ZC3H15: variants seen among roughly 807,000 people sequenced by gnomAD.
The protein encoded by ZC3H15 is zinc finger CCCH domain-containing protein 15.
ZC3H15 carries 15 observed loss-of-function variants against 51.2 expected under a neutral mutation model. That is an observed-to-expected ratio of 0.29 (90% confidence interval 0.20 to 0.45). The LOEUF (loss-of-function observed/expected upper bound fraction) is 0.45. ZC3H15 is among the 20% of genes least tolerant of loss of function. ZC3H15 has a pLI of 1.00. For synonymous variants in ZC3H15, 144 were observed against 162.8 expected (o/e 0.88, Z 0.88); for missense variants, 381 against 494.7 (o/e 0.77, Z 2.18).
At chr2:186,499,108 A>T (rs370333507) in intron 2 of ZC3H15, among the ~76,000 whole-genome samples, 1 of 152,158 alleles carries the variant, frequency 6.6e-6, no homozygotes, top group Non-Finnish European at 1.5e-5. Flanking sequence ...CTTCATGTTC[A>T]GTCAGTCCTA....
Position 186,500,253 on chromosome 2 carries a change from G to A in ZC3H15, c.249G>A (p.Glu83=), listed in dbSNP as rs766254650. Residue 83 remains glutamate, a synonymous_variant, in exon 3 of 10, where the codon GAG becomes GAA. Coordinates refer to ENST00000337859, the MANE Select transcript of ZC3H15 (RefSeq NM_018471.3). ...DKKKELQELN[E]LFKPVVAAQK... is the part of the protein sequence containing the mutation. ...AGAAAGAATTGCAGGAGCTAAATGA[G>A]CTGTTCAAACCTGTAGTTGCTGCTC... is the stretch of plus-strand genomic sequence containing the variant. 1 of 1,613,374 alleles carries A rather than the reference G, an allele frequency of 6.2e-7. No homozygotes were observed. The highest frequency in any genetic ancestry group is 2.2e-5 in the East Asian group (1 of 44,786).
At chr2:186,501,221 A>T in intron 3 of ZC3H15, 52 bp from the exon 4 acceptor site, 6 of 1,500,392 alleles carry the variant, frequency 4.0e-6, no homozygotes, top group Non-Finnish European at 5.3e-6. Context: ...TAGAATCTAT[A>T]CTTTACAGCC....
chr2:186,506,221 A>C (rs34830536), intron 8 of ZC3H15: 18 of 333,186 alleles, frequency 5.4e-5, no homozygotes, highest in Non-Finnish European at 8.2e-5. Context: ...ACTAATTTAA[A>C]ACTGCAGTGT....
chr2:186,494,913 A>G (rs1004061995), intron 1 of ZC3H15, among the ~76,000 whole-genome samples: 4 of 152,140 alleles, frequency 2.6e-5, no homozygotes, highest in Non-Finnish European at 4.4e-5. Context: ...ACATGTATAC[A>G]TATGTAACAA....
At position 186,486,326 on chromosome 2, in the gene ZC3H15, G is replaced by C. The variant is rs1483430426; in HGVS notation, c.-57G>C. The C allele has an allele frequency of 2.7e-6, 4 of 1,466,046 alleles. No homozygotes were observed. Among genetic ancestry groups the C allele is most frequent in the Non-Finnish European group, 3.6e-6 (4 of 1,098,552 alleles). 90.8% of individuals were successfully genotyped at this position (1,466,046 alleles called of 1,614,324 possible). On this transcript the variant is annotated 5_prime_UTR_variant, in exon 1 of 10. Transcript: ENST00000337859. ...TCCTCCTCGTCCTGCCGCAGGGCCAGAACCCCTGACGGTATTCAGCTGCGC... is the reference window on the plus strand; with the variant it reads ...TCCTCCTCGTCCTGCCGCAGGGCCACAACCCCTGACGGTATTCAGCTGCGC...
chr2:186,490,613 G>A (rs1685180407), intron 1 of ZC3H15, among the ~76,000 whole-genome samples: 1 of 152,190 alleles, frequency 6.6e-6, no homozygotes, highest in East Asian at 1.9e-4. Flanking sequence ...CTGCCTACCC[G>A]AATGTCCCAA....
intron 1 of ZC3H15, among the ~76,000 whole-genome samples, chr2:186,490,724 C>T (rs898441452): frequency 1.9e-4 from 29 of 152,046 alleles, no homozygotes; most frequent in Admixed American, 6.6e-5. Context: ...GAGGCTGGCC[C>T]GTAAAAGGAA....
At chr2:186,492,930 CAA>C (rs1469807274) in intron 1 of ZC3H15, among the ~76,000 whole-genome samples, 1 of 151,996 alleles carries the variant, frequency 6.6e-6, no homozygotes, top group Non-Finnish European at 1.5e-5. Context: ...CACCCATAAA[CAA>C]GAGAATGAGA....
chr2:186,497,928 G>A (rs1043291091), intron 2 of ZC3H15, among the ~76,000 whole-genome samples: 4 of 152,036 alleles, frequency 2.6e-5, no homozygotes, highest in African/African-American at 9.7e-5. Flanking sequence ...AGCTGGACAG[G>A]GGGTATCCTG....
intron 1 of ZC3H15, 57 bp from the exon 2 acceptor site, chr2:186,495,176 G>T (rs924741166): frequency 3.5e-5 from 33 of 948,634 alleles, no homozygotes; most frequent in Non-Finnish European, 4.9e-5. Flanking sequence ...GATATCATTG[G>T]AGGATATATA....
chr2:186,488,440 T>C (rs1010632698), intron 1 of ZC3H15, among the ~76,000 whole-genome samples: 1 of 152,188 alleles, frequency 6.6e-6, no homozygotes, highest in East Asian at 1.9e-4. Flanking sequence ...TTTGTGTCCT[T>C]CTTCTTGCTT....
chr2:186,508,878 G>T lies in ZC3H15; in HGVS notation c.*145G>T. On this transcript the variant is annotated 3_prime_UTR_variant, in exon 10 of 10. Transcript: ENST00000337859. ...TAACCTCCTGCAAAAAAGGCATCTT[G>T]TCCCTACATCTTCTCTTCTGACTTT... 1 of 796,556 alleles carries T rather than the reference G, an allele frequency of 1.3e-6. No individual in the cohort carries two copies. Among genetic ancestry groups the T allele is most frequent in the Non-Finnish European group, 2.0e-6 (1 of 500,552 alleles). 49.3% of individuals were successfully genotyped at this position (796,556 alleles called of 1,614,324 possible).
intron 6 of ZC3H15, among the ~76,000 whole-genome samples, chr2:186,504,466 T>A (rs1420418595): frequency 6.6e-6 from 1 of 152,226 alleles, no homozygotes; most frequent in Non-Finnish European, 1.5e-5. Context: ...GCTTATCAAA[T>A]TATTTCTGTA....
At chr2:186,506,629 A>G in intron 8 of ZC3H15, 84 bp from the exon 9 acceptor site, 1 of 1,445,854 alleles carries the variant, frequency 6.9e-7, no homozygotes. Flanking sequence ...ATCAGTGATA[A>G]TTTTGGCTCA....
rs1470865086 is a variant in ZC3H15 at position 186,500,223 on chromosome 2, CAAG to C, written c.225_227del (p.Lys76del). 6.2e-7 allele frequency: 1 copy of C among 1,613,390 alleles called. No homozygotes were observed. The highest frequency in any genetic ancestry group is 2.2e-5 in the East Asian group (1 of 44,806). ...CTGAAAAGAAATTGAAGAAGGATGA[CAAG>C]AAGAAAGAATTGCAGGAGCTAAATG... On this transcript the variant is annotated inframe_deletion, in exon 3 of 10. Coordinates refer to ENST00000337859, the MANE Select transcript of ZC3H15 (RefSeq NM_018471.3).
At chr2:186,494,728 C>A (rs1176083490) in intron 1 of ZC3H15, among the ~76,000 whole-genome samples, 3 of 152,078 alleles carry the variant, frequency 2.0e-5, no homozygotes, top group Non-Finnish European at 4.4e-5. Context: ...GGACAAAAAA[C>A]CAAACACCTC....
At chr2:186,501,951 C>T (rs1685392019) in intron 4 of ZC3H15, among the ~76,000 whole-genome samples, 1 of 152,104 alleles carries the variant, frequency 6.6e-6, no homozygotes, top group African/African-American at 2.4e-5. Flanking sequence ...ACTTCGTGAT[C>T]TGCCCACGCT....
chr2:186,488,012 AAG>A (rs1353251753), intron 1 of ZC3H15, among the ~76,000 whole-genome samples: 1 of 152,178 alleles, frequency 6.6e-6, no homozygotes, highest in African/African-American at 2.4e-5. Context: ...TTTTTAGCTA[AAG>A]AGAAAGCAAT....
intron 2 of ZC3H15, among the ~76,000 whole-genome samples, chr2:186,496,716 A>G (rs1685288089): frequency 6.6e-6 from 1 of 152,228 alleles, no homozygotes; most frequent in South Asian, 2.1e-4. Flanking sequence ...CCTAGGCTAT[A>G]TGGTATAGCC....
Sources: gnomAD v4.1 joint callset for allele counts (sites outside exome capture counted in the v4.1 genomes callset) on GRCh38, gnomAD v4.1.1 for gene constraint, MANE v1.5 for transcripts, NCBI Gene and HGNC (gene_info 2026-07-23, HGNC 2026-07-21) for gene names.